Variants in PAK3 observed in about 807,000 individuals in gnomAD.
PAK3 encodes p21 (RAC1) activated kinase 3.
A neutral mutation model predicts 41.0 loss-of-function variants in PAK3; 4 were observed. The ratio of observed to expected loss-of-function variants is 0.10; its 90% CI spans 0.05 to 0.22. PAK3 has a LOEUF of 0.22. Among genes scored for constraint, PAK3 ranks in the 10% least tolerant of loss-of-function variants. PAK3 has a pLI of 1.00. For synonymous variants in PAK3, 146 were observed against 139.6 expected (o/e 1.05, Z -0.32); for missense variants, 205 against 409.9 (o/e 0.50, Z 4.32).
At chrX:111,057,416 T>C (rs187848751) in intron 1 of PAK3, among the ~76,000 whole-genome samples, 76 of 112,144 alleles carry the variant, frequency 6.8e-4, no homozygotes, top group African/African-American at 2.3e-3. Flanking sequence ...ACCATTTCAA[T>C]GTAAGTTGTA....
intron 1 of PAK3, among the ~76,000 whole-genome samples, chrX:110,962,517 C>T (rs935593875): frequency 8.9e-6 from 1 of 112,635 alleles, no homozygotes; most frequent in Non-Finnish European, 1.9e-5. Context: ...TTCCACCATG[C>T]AAACCTTACT....
At chrX:111,172,240 A>G (rs1408199153) in intron 10 of PAK3, among the ~76,000 whole-genome samples, 1 of 112,085 alleles carries the variant, frequency 8.9e-6, no homozygotes, top group African/African-American at 3.2e-5. Flanking sequence ...TTTGGTATTG[A>G]CAACCTTTTT....
intron 1 of PAK3, among the ~76,000 whole-genome samples, chrX:110,946,568 A>G (rs933063982): frequency 1.8e-5 from 2 of 112,480 alleles, no homozygotes; most frequent in Non-Finnish European, 3.8e-5. Context: ...GATTATGTTA[A>G]TTAACACTGC....
At chrX:111,080,671 A>G (rs189736384) in intron 1 of PAK3, among the ~76,000 whole-genome samples, 12 of 111,869 alleles carry the variant, frequency 1.1e-4, no homozygotes, top group African/African-American at 3.9e-4. Flanking sequence ...GAGAAACAGT[A>G]TGGAGGGTCC....
At chrX:111,004,109 A>C (rs1219248812) in intron 1 of PAK3, among the ~76,000 whole-genome samples, 3 of 112,541 alleles carry the variant, frequency 2.7e-5, no homozygotes, top group African/African-American at 9.7e-5. Context: ...AGCTTTCTTC[A>C]TATATAACAG....
chrX:111,138,989 AACACAC>A (rs368706435), intron 5 of PAK3, among the ~76,000 whole-genome samples: 1 of 107,104 alleles, frequency 9.3e-6, no homozygotes. Context: ...AACAAACAAC[AACACAC>A]ACACACACAC....
chrX:111,217,562 G>T (rs1160234048), intron 17 of PAK3: 17 of 961,406 alleles, frequency 1.8e-5, no homozygotes, highest in African/African-American at 4.0e-5. Context: ...AGACAGAGCT[G>T]CACCCAGGCA....
chrX:111,206,999 A>G (rs1019356251), intron 16 of PAK3, among the ~76,000 whole-genome samples: 1 of 110,365 alleles, frequency 9.1e-6, no homozygotes, highest in Non-Finnish European at 1.9e-5. Flanking sequence ...CTAAAACAAC[A>G]AAAGAATCAG....
intron 1 of PAK3, among the ~76,000 whole-genome samples, chrX:110,999,136 T>A (rs1319721816): frequency 8.9e-6 from 1 of 112,154 alleles, no homozygotes; most frequent in African/African-American, 3.2e-5. Context: ...CACCATTCTC[T>A]GGTCCTGATC....
intron 5 of PAK3, among the ~76,000 whole-genome samples, chrX:111,127,292 T>C (rs2093660353): frequency 8.9e-6 from 1 of 111,795 alleles, no homozygotes; most frequent in Admixed American, 9.5e-5. Context: ...TTGGCCATTG[T>C]AATTTCACAA....
chrX:110,978,666 C>A (rs1036905319), intron 1 of PAK3, among the ~76,000 whole-genome samples: 4 of 109,503 alleles, frequency 3.7e-5, no homozygotes, highest in African/African-American at 1.3e-4. Context: ...TTCTTTCTTC[C>A]TTTCTTCTTT....
chrX:110,980,476 G>C (rs1234318713), intron 1 of PAK3, among the ~76,000 whole-genome samples: 1 of 111,758 alleles, frequency 8.9e-6, no homozygotes, highest in African/African-American at 3.3e-5. Context: ...CAAATTCTAT[G>C]ATTCTGTAGT....
At chrX:111,001,522 T>C (rs938481493) in intron 1 of PAK3, among the ~76,000 whole-genome samples, 1 of 112,295 alleles carries the variant, frequency 8.9e-6, no homozygotes, top group Non-Finnish European at 1.9e-5. Flanking sequence ...GTGTAATTGG[T>C]AGCACAAACG....
intron 1 of PAK3, among the ~76,000 whole-genome samples, chrX:110,986,500 C>T (rs2091547102): frequency 8.9e-6 from 1 of 112,039 alleles, no homozygotes; most frequent in South Asian, 3.8e-4. Flanking sequence ...TACTGTTCTT[C>T]ATCTCACCTT....
rs760477607 is a variant in PAK3 at position 111,116,164 on chromosome X, C to A, written c.-27-6913C>A. Among the ~76,000 whole-genome samples the A allele has an allele frequency of 2.7e-5, 3 of 110,991 alleles. No homozygotes were observed. In the South Asian group the frequency reaches 1.2e-3, roughly 43 times the overall value. Reference sequence around the variant, plus strand: ...TGTTAATCTATCTAATTTGTTCCATCTGAATGCTTCCAAGGATGTTATGTG... The same window carrying A: ...TGTTAATCTATCTAATTTGTTCCATATGAATGCTTCCAAGGATGTTATGTG... On this transcript the variant is annotated intron_variant, in intron 4 of 17. Transcript: ENST00000372007.
intron 8 of PAK3, among the ~76,000 whole-genome samples, chrX:111,161,230 T>A (rs2094182838): frequency 1.8e-5 from 2 of 112,429 alleles, no homozygotes; most frequent in Admixed American, 1.9e-4. Flanking sequence ...TGATGAGCAT[T>A]TTTTCATGTG....
intron 1 of PAK3, among the ~76,000 whole-genome samples, chrX:110,967,846 T>C (rs1007376800): frequency 1.8e-5 from 2 of 111,851 alleles, no homozygotes; most frequent in African/African-American, 6.5e-5. Context: ...GACAATGACA[T>C]TGGCACAATG....
intron 5 of PAK3, among the ~76,000 whole-genome samples, chrX:111,137,333 T>C (rs1015847112): frequency 1.8e-5 from 2 of 111,436 alleles, no homozygotes; most frequent in Non-Finnish European, 3.8e-5. Flanking sequence ...CACTGGATAG[T>C]AGAGTCTAAA....
At chrX:110,971,346 C>T (rs2091203837) in intron 1 of PAK3, among the ~76,000 whole-genome samples, 1 of 112,062 alleles carries the variant, frequency 8.9e-6, no homozygotes, top group Admixed American at 9.4e-5. Flanking sequence ...CAATATGTGG[C>T]CTTTTGTGAC....
Sources: allele counts gnomAD v4.1 joint callset (sites outside exome capture counted in the v4.1 genomes callset), GRCh38; gene constraint gnomAD v4.1.1; transcripts MANE v1.5; gene names NCBI Gene and HGNC (gene_info 2026-07-23, HGNC 2026-07-21).